GABRG3: variants seen among roughly 807,000 people sequenced by gnomAD.
GABRG3 encodes the protein gamma-aminobutyric acid type A receptor subunit gamma3, also known as gamma-aminobutyric acid receptor subunit gamma-3.
A neutral mutation model predicts 48.8 loss-of-function variants in GABRG3; 25 were observed. That is an observed-to-expected ratio of 0.51 (90% CI 0.37 to 0.72). GABRG3 has a LOEUF of 0.72. Ranked by LOEUF, GABRG3 falls within the 30% of genes least tolerant of loss-of-function variation. The pLI is 0.00. For missense variants in GABRG3, 394 were observed against 577.9 expected (o/e 0.68, Z 3.26); for synonymous variants, 227 against 217.6 (o/e 1.04, Z -0.38).
chr15:27,373,780 G>C (rs1437940138), intron 5 of GABRG3, among the ~76,000 whole-genome samples: 1 of 152,064 alleles, frequency 6.6e-6, no homozygotes, highest in Non-Finnish European at 1.5e-5. Flanking sequence ...TTAAAACATG[G>C]ATAATTTTAT....
rs1348165438 is a variant in GABRG3 at position 27,029,059 on chromosome 15, G to A, written c.270+2238G>A. 2.6e-5 allele frequency among the ~76,000 whole-genome samples: 4 copies of A among 152,188 alleles called. No homozygotes were observed. The East Asian group carries it at 7.7e-4, about 29-fold the overall frequency. Reference sequence around the variant, plus strand: ...TGACACAGCAGGTTTCCAAGGCTGAGCTGTGGCAGGATGTGGAGTAGAAAG... The same window carrying A: ...TGACACAGCAGGTTTCCAAGGCTGAACTGTGGCAGGATGTGGAGTAGAAAG... On this transcript the variant is annotated intron_variant, in intron 3 of 9. Transcript: ENST00000615808.
chr15:27,328,112 CA>C lies in GABRG3; in HGVS notation c.492-691del, dbSNP rs1220963079. Among the ~76,000 whole-genome samples, 660 of 133,530 alleles carry C rather than the reference CA, an allele frequency of 4.9e-3. 4 individuals carry two copies. The highest frequency in any genetic ancestry group is 0.019 in the African/African-American group (632 of 33,746). 87.6% of individuals were successfully genotyped at this position (133,530 alleles called of 152,430 possible). A position where few individuals can be genotyped will look rare whatever the true frequency, so the allele number is the denominator to read the frequency against. ...AGGGAACAATTACAGCAAAAACAAA[CA>C]AACAAAAAAAAAAACCAAAAAAAAA... On this transcript the variant is annotated intron_variant, in intron 4 of 9. Coordinates refer to ENST00000615808, the MANE Select transcript of GABRG3 (RefSeq NM_033223.5).
At chr15:27,067,760 C>T (rs1254684249) in intron 3 of GABRG3, among the ~76,000 whole-genome samples, 2 of 152,168 alleles carry the variant, frequency 1.3e-5, no homozygotes, top group African/African-American at 4.8e-5. Context: ...CTGTTCAGGC[C>T]TCCTCTTTAT....
chr15:27,148,579 A>G (rs1898252897), intron 3 of GABRG3, among the ~76,000 whole-genome samples: 2 of 152,166 alleles, frequency 1.3e-5, no homozygotes, highest in South Asian at 2.1e-4. Context: ...ATACAAATAT[A>G]CAAATACTGT....
intron 3 of GABRG3, among the ~76,000 whole-genome samples, chr15:27,165,578 A>T (rs543032004): frequency 6.6e-6 from 1 of 151,610 alleles, no homozygotes; most frequent in Non-Finnish European, 1.5e-5. Context: ...TTCCTCTTCA[A>T]TCTCCCAAGT....
At chr15:27,140,532 T>C (rs146696352) in intron 3 of GABRG3, among the ~76,000 whole-genome samples, 53 of 152,354 alleles carry the variant, frequency 3.5e-4, no homozygotes, top group African/African-American at 1.2e-3. Context: ...AGAACTGACA[T>C]GAACTGGGAT....
intron 3 of GABRG3, among the ~76,000 whole-genome samples, chr15:27,318,911 T>A (rs995080314): frequency 4.6e-5 from 7 of 152,178 alleles, no homozygotes; most frequent in Admixed American, 1.3e-4. Flanking sequence ...AATAAGGAGA[T>A]GTTGGTCAGT....
chr15:27,029,454 C>T (rs1348071945), intron 3 of GABRG3, among the ~76,000 whole-genome samples: 1 of 151,978 alleles, frequency 6.6e-6, no homozygotes, highest in Non-Finnish European at 1.5e-5. Flanking sequence ...CACACACACA[C>T]ACGCATGCAC....
rs546223197 is a variant in GABRG3, at chr15:27,311,034, T to C, written c.271-15775T>C. Among the ~76,000 whole-genome samples, 11 of 152,260 alleles carry C rather than the reference T, an allele frequency of 7.2e-5. No individual in the cohort carries two copies. In the South Asian group the frequency reaches 1.7e-3, roughly 23 times the overall value. ...TTCTGAACATAAATAAGCAGGGCTG[T>C]TTTCCTGATTTCAGAGATAGAATTT... On this transcript the variant is annotated intron_variant, in intron 3 of 9. Coordinates refer to ENST00000615808, the MANE Select transcript of GABRG3 (RefSeq NM_033223.5).
intron 3 of GABRG3, among the ~76,000 whole-genome samples, chr15:27,306,623 A>C (rs889022665): frequency 2.5e-5 from 3 of 120,244 alleles, no homozygotes; most frequent in Admixed American, 8.7e-5. Context: ...AAACATATAT[A>C]ATATAAACAT....
intron 3 of GABRG3, among the ~76,000 whole-genome samples, chr15:27,166,729 T>C (rs571221246): frequency 6.6e-6 from 1 of 152,318 alleles, no homozygotes; most frequent in East Asian, 1.9e-4. Flanking sequence ...ACTCCACTTA[T>C]TATTACAAAT....
At chr15:27,505,401 C>T (rs1008198184) in intron 6 of GABRG3, among the ~76,000 whole-genome samples, 1 of 152,112 alleles carries the variant, frequency 6.6e-6, no homozygotes, top group Non-Finnish European at 1.5e-5. Context: ...CTAAGTCTAG[C>T]CTGTAATCAA....
At chr15:27,041,433 G>A (rs1488901790) in intron 3 of GABRG3, among the ~76,000 whole-genome samples, 1 of 152,032 alleles carries the variant, frequency 6.6e-6, no homozygotes, top group Non-Finnish European at 1.5e-5. Context: ...TTCCTGCCTT[G>A]GCCTCTCAAA....
chr15:27,151,733 A>G (rs1898319224), intron 3 of GABRG3, among the ~76,000 whole-genome samples: 3 of 152,166 alleles, frequency 2.0e-5, no homozygotes, highest in Admixed American at 2.0e-4. Context: ...CAAATGGAAG[A>G]AGGAGACCCT....
At chr15:26,978,269 A>G (rs935714170) in intron 2 of GABRG3, among the ~76,000 whole-genome samples, 3 of 152,032 alleles carry the variant, frequency 2.0e-5, no homozygotes, top group Admixed American at 1.3e-4. Flanking sequence ...TATGTCAAAT[A>G]TGTAGTTTGC....
intron 3 of GABRG3, among the ~76,000 whole-genome samples, chr15:27,097,950 T>A (rs1034457215): frequency 6.6e-6 from 1 of 151,474 alleles, no homozygotes; most frequent in Non-Finnish European, 1.5e-5. Context: ...CTTTTTTTTT[T>A]TAAATCAGAT....
intron 3 of GABRG3, among the ~76,000 whole-genome samples, chr15:27,183,314 A>G (rs916222269): frequency 2.0e-5 from 3 of 152,226 alleles, no homozygotes; most frequent in Admixed American, 6.5e-5. Context: ...ACAAAGCATT[A>G]GGCTTGGCTT....
At chr15:27,409,629 ACT>A (rs1268696481) in intron 5 of GABRG3, among the ~76,000 whole-genome samples, 2 of 152,090 alleles carry the variant, frequency 1.3e-5, no homozygotes, top group East Asian at 3.8e-4. Flanking sequence ...AGCAAAAAAA[ACT>A]CTAGCTGGAA....
Position 27,374,138 on chromosome 15 carries a change from C to CTTTTTTTTTTTTT in GABRG3, c.574+45261_574+45273dup, listed in dbSNP as rs201839822. ...GAATTTTCTTTCCTTTTCTTTTCTTCTTTTTTTTTTTTTTTTTTTTTTTCA... is the reference window on the plus strand; with the variant it reads ...GAATTTTCTTTCCTTTTCTTTTCTTCTTTTTTTTTTTTTTTTTTTTTTTTTTTTTTTTTTTTCA... On this transcript the variant is annotated intron_variant, in intron 5 of 9. Coordinates refer to ENST00000615808, the MANE Select transcript of GABRG3 (RefSeq NM_033223.5). Among the ~76,000 whole-genome samples, 750 of 91,306 alleles carry CTTTTTTTTTTTTT rather than the reference C, an allele frequency of 8.2e-3. 1 individual carries two copies. The highest frequency in any genetic ancestry group is 0.014 in the Middle Eastern group (2 of 146). 59.9% of individuals were successfully genotyped at this position (91,306 alleles called of 152,430 possible).
Sources: allele counts gnomAD v4.1 joint callset (sites outside exome capture counted in the v4.1 genomes callset), GRCh38; gene constraint gnomAD v4.1.1; transcripts MANE v1.5; gene names NCBI Gene and HGNC (gene_info 2026-07-23, HGNC 2026-07-21).